Variants in TAF1B observed in about 807,000 individuals in gnomAD.
The protein encoded by TAF1B is TATA box-binding protein-associated factor RNA polymerase I subunit B.
TAF1B carries 61 observed loss-of-function variants against 83.9 expected under a neutral mutation model. The ratio of observed to expected loss-of-function variants is 0.73; its 90% CI spans 0.59 to 0.90. TAF1B has a LOEUF of 0.90. Ranked by LOEUF, TAF1B falls within the 40% of genes least tolerant of loss-of-function variation. The pLI, the probability that TAF1B is intolerant of heterozygous loss-of-function variation, is 0.00. For synonymous variants in TAF1B, 221 were observed against 224.6 expected (o/e 0.98, Z 0.14); for missense variants, 625 against 677.0 (o/e 0.92, Z 0.85).
intron 5 of TAF1B, among the ~76,000 whole-genome samples, chr2:9,858,219 G>A (rs1170554980): frequency 1.3e-5 from 2 of 152,140 alleles, no homozygotes; most frequent in Non-Finnish European, 2.9e-5. Context: ...CAAAACAAAG[G>A]GGCCAATACA....
intron 8 of TAF1B, among the ~76,000 whole-genome samples, chr2:9,891,354 C>G (rs1316963464): frequency 6.6e-6 from 1 of 152,060 alleles, no homozygotes; most frequent in East Asian, 1.9e-4. Context: ...TGTCCTGTTT[C>G]TTTTATTCTC....
chr2:9,926,381 C>T (rs1666038764), intron 14 of TAF1B, among the ~76,000 whole-genome samples: 1 of 152,124 alleles, frequency 6.6e-6, no homozygotes, highest in Non-Finnish European at 1.5e-5. Context: ...ACCTCTTTAT[C>T]TCTCTCTTTT....
intron 5 of TAF1B, among the ~76,000 whole-genome samples, chr2:9,856,684 T>G (rs1472555456): frequency 6.6e-6 from 1 of 152,206 alleles, no homozygotes; most frequent in Non-Finnish European, 1.5e-5. Flanking sequence ...TAAATATTTT[T>G]GGGTTAACTT....
intron 14 of TAF1B, among the ~76,000 whole-genome samples, chr2:9,928,808 G>A (rs1353618478): frequency 3.9e-5 from 6 of 152,150 alleles, no homozygotes. Context: ...TGTACAAACA[G>A]GGACAATTTG....
At chr2:9,853,760 C>T (rs979017158) in intron 4 of TAF1B, among the ~76,000 whole-genome samples, 5 of 152,078 alleles carry the variant, frequency 3.3e-5, no homozygotes, top group Admixed American at 6.6e-5. Context: ...CGTGCCCAGC[C>T]GGAAAAGTTT....
chr2:9,855,532 C>T (rs778434097), intron 5 of TAF1B, among the ~76,000 whole-genome samples: 79 of 152,062 alleles, frequency 5.2e-4, no homozygotes, highest in Non-Finnish European at 9.4e-4. Context: ...TTAAAAAATA[C>T]GTACTGGGCA....
chr2:9,913,654 G>T (rs1316497964), intron 12 of TAF1B: 1 of 154,020 alleles, frequency 6.5e-6, no homozygotes. Flanking sequence ...TGCAACATAT[G>T]TAATTGGAAT....
chr2:9,930,795 G>T (rs1227299804), intron 14 of TAF1B, among the ~76,000 whole-genome samples: 4 of 152,158 alleles, frequency 2.6e-5, no homozygotes, highest in Non-Finnish European at 5.9e-5. Flanking sequence ...TTATTATTGT[G>T]TGGGAGTCTA....
intron 5 of TAF1B, among the ~76,000 whole-genome samples, chr2:9,864,040 A>G (rs1021752687): frequency 1.3e-5 from 2 of 152,182 alleles, no homozygotes; most frequent in African/African-American, 2.4e-5. Flanking sequence ...TAAAAGAACT[A>G]GAGAAACAAG....
At chr2:9,877,846 C>CCT (rs753251828) in intron 7 of TAF1B, among the ~76,000 whole-genome samples, 2 of 151,258 alleles carry the variant, frequency 1.3e-5, no homozygotes, top group Non-Finnish European at 3.0e-5. Context: ...CCTCTTTTCT[C>CCT]CTCTCTCTCT....
At position 9,919,026 on chromosome 2, in the gene TAF1B, C is replaced by T. The variant is rs1665785861; in HGVS notation, c.1272-15C>T. 2 of 1,610,744 alleles carry T rather than the reference C, an allele frequency of 1.2e-6. No individual in the cohort carries two copies. The highest frequency in any genetic ancestry group is 1.7e-6 in the Non-Finnish European group (2 of 1,177,438). On this transcript the variant is annotated splice_polypyrimidine_tract_variant and intron_variant, in intron 12 of 14. Transcript: ENST00000263663. ...CATCTCCGTCCTGCTCCAGCTGTTTCTTTACCTTGTACAGGTACCTGTGGA... is the reference window on the plus strand; with the variant it reads ...CATCTCCGTCCTGCTCCAGCTGTTTTTTTACCTTGTACAGGTACCTGTGGA...
In TAF1B at chr2:9,854,374, C is replaced by T; in HGVS notation, c.352C>T (p.Gln118Ter). 6.2e-7 allele frequency: 1 copy of T among 1,614,032 alleles called. No homozygotes were observed. The highest frequency in any genetic ancestry group is 8.5e-7 in the Non-Finnish European group (1 of 1,179,940). The stretch of plus-strand genomic sequence containing the variant: ...GAAGCGCTACCTTCAGAAGAGCAAG[C>T]AGGCATATTGTAAGAACCCAGTTTA... Reference protein sequence around the residue: ...FWKRYLQKSKQAYCKNPVYTT... With the variant: ...FWKRYLQKSK Residue 118 changes from glutamine to a stop codon, truncating the protein, a stop_gained, in exon 5 of 15, where the codon CAG becomes TAG. Coordinates refer to ENST00000263663, the MANE Select transcript of TAF1B (RefSeq NM_005680.3). LOFTEE classifies it high-confidence loss of function.
At chr2:9,908,028 C>T (rs920550846) in intron 9 of TAF1B, among the ~76,000 whole-genome samples, 21 of 71,754 alleles carry the variant, frequency 2.9e-4, no homozygotes, top group South Asian at 5.0e-4. Flanking sequence ...GATCTTAATT[C>T]TTTTTTTTTT....
chr2:9,931,429 C>T (rs1222407765), intron 14 of TAF1B, among the ~76,000 whole-genome samples: 1 of 152,084 alleles, frequency 6.6e-6, no homozygotes, highest in Non-Finnish European at 1.5e-5. Flanking sequence ...ACTTATGAAG[C>T]TTAGTTTGGC....
At chr2:9,922,541 A>G (rs964031290) in intron 14 of TAF1B, among the ~76,000 whole-genome samples, 1 of 152,046 alleles carries the variant, frequency 6.6e-6, no homozygotes, top group African/African-American at 2.4e-5. Flanking sequence ...CCTGCCTAAA[A>G]TAGCACCAAT....
chr2:9,876,865 C>T (rs1486575494), intron 7 of TAF1B, among the ~76,000 whole-genome samples: 1 of 152,122 alleles, frequency 6.6e-6, no homozygotes, highest in African/African-American at 2.4e-5. Context: ...ATGGAAAGCA[C>T]GTAGAGCAGT....
chr2:9,904,748 C>A, intron 8 of TAF1B, 111 bp from the exon 9 acceptor site: 2 of 1,042,542 alleles, frequency 1.9e-6, no homozygotes, highest in Admixed American at 2.6e-5. Context: ...ACTTCACCAG[C>A]ATCTGTTATT....
intron 5 of TAF1B, 119 bp downstream of exon 5, chr2:9,854,540 G>A: frequency 1.4e-6 from 1 of 693,234 alleles, no homozygotes; most frequent in Non-Finnish European, 2.5e-6. Flanking sequence ...AGGATTTTCA[G>A]TTAAGAGGCT....
chr2:9,899,525 G>A (rs451412), intron 8 of TAF1B, among the ~76,000 whole-genome samples: 31,186 of 151,980 alleles, frequency 0.21, 3,719 homozygotes, highest in Non-Finnish European at 0.28. Flanking sequence ...CTACCTTTTG[G>A]CTATTGTGAG....
Sources: allele counts gnomAD v4.1 joint callset (sites outside exome capture counted in the v4.1 genomes callset), GRCh38; gene constraint gnomAD v4.1.1; transcripts MANE v1.5; gene names NCBI Gene and HGNC (gene_info 2026-07-23, HGNC 2026-07-21).